PARK7: variants seen among roughly 807,000 people sequenced by gnomAD.
PARK7 encodes the protein Parkinson disease protein 7.
PARK7 carries 14 observed loss-of-function variants against 20.5 expected under a neutral mutation model. The observed-to-expected ratio is 0.68, with a 90% CI of 0.45 to 1.07. The LOEUF (loss-of-function observed/expected upper bound fraction) is 1.07. Among genes scored for constraint, PARK7 ranks in the 50% least tolerant of loss-of-function variants. PARK7 has a pLI of 0.00. For synonymous variants in PARK7, 98 were observed against 84.3 expected, an observed-to-expected ratio of 1.16 and a Z score of -0.89; for missense variants, 234 against 238.1, an observed-to-expected ratio of 0.98 and a Z score of 0.11.
chr1:7,962,478 A>G (rs951257821), intron 1 of PARK7, among the ~76,000 whole-genome samples: 3 of 152,224 alleles, frequency 2.0e-5, no homozygotes, highest in Non-Finnish European at 2.9e-5. Flanking sequence ...CATTTGCAAC[A>G]TACTATTAAA....
chr1:7,962,668 A>T, intron 1 of PARK7, 95 bp from the exon 2 acceptor site: 1 of 742,192 alleles, frequency 1.3e-6, no homozygotes, highest in Non-Finnish European at 2.2e-6. Context: ...GGAAGTACTT[A>T]CTCTGCTTGA....
At chr1:7,966,309 A>T (rs566944594) in intron 3 of PARK7, among the ~76,000 whole-genome samples, 11 of 152,116 alleles carry the variant, frequency 7.2e-5, no homozygotes, top group African/African-American at 2.7e-4. Flanking sequence ...AATCCTTTCT[A>T]ATAAGTTTAG....
At chr1:7,968,153 C>T (rs1440199654) in intron 3 of PARK7, among the ~76,000 whole-genome samples, 1 of 151,448 alleles carries the variant, frequency 6.6e-6, no homozygotes, top group Non-Finnish European at 1.5e-5. Flanking sequence ...ACTAAAAATA[C>T]ACAGATTAGC....
chr1:7,965,500 G>C, intron 3 of PARK7, 75 bp downstream of exon 3: 2 of 1,325,312 alleles, frequency 1.5e-6, no homozygotes, highest in Non-Finnish European at 2.2e-6. Context: ...AGTGTTGTTA[G>C]CACAGACTCA....
At chr1:7,972,872 C>G (rs886857982) in intron 5 of PARK7, among the ~76,000 whole-genome samples, 3 of 152,106 alleles carry the variant, frequency 2.0e-5, no homozygotes, top group East Asian at 1.9e-4. Context: ...AACCCCGTCT[C>G]TACTAAAAAT....
chr1:7,977,983 C>G (rs954888198), intron 6 of PARK7, among the ~76,000 whole-genome samples: 6 of 87,248 alleles, frequency 6.9e-5, no homozygotes, highest in Non-Finnish European at 1.1e-4. Flanking sequence ...TGGTCTCAAA[C>G]TCTTTTTTTT....
chr1:7,970,736 T>C (rs1214090482), intron 4 of PARK7, among the ~76,000 whole-genome samples, 158 bp from the exon 5 acceptor site: 3 of 152,238 alleles, frequency 2.0e-5, no homozygotes, highest in African/African-American at 7.2e-5. Flanking sequence ...TAGACACATT[T>C]TGATCATTTT....
At chr1:7,961,935 G>A (rs1438548260) in intron 1 of PARK7, 142 bp downstream of exon 1, 2 of 152,328 alleles carry the variant, frequency 1.3e-5, no homozygotes, top group African/African-American at 4.8e-5. Context: ...CCTCGCTTCC[G>A]GCCTCCCAGT....
At chr1:7,977,280 T>A (rs563894400) in intron 5 of PARK7, among the ~76,000 whole-genome samples, 13 of 152,318 alleles carry the variant, frequency 8.5e-5, no homozygotes, top group African/African-American at 2.4e-4. Context: ...AAGGTAAATC[T>A]TCTTGAGTAA....
At chr1:7,963,624 C>T (rs945402702) in intron 2 of PARK7, among the ~76,000 whole-genome samples, 2 of 151,924 alleles carry the variant, frequency 1.3e-5, no homozygotes, top group Non-Finnish European at 2.9e-5. Flanking sequence ...ACCCGCCCGC[C>T]TTAGCCTTTT....
intron 4 of PARK7, among the ~76,000 whole-genome samples, chr1:7,969,671 C>T (rs749385436): frequency 2.0e-5 from 3 of 151,982 alleles, no homozygotes; most frequent in Non-Finnish European, 4.4e-5. Context: ...ATCTCCGCCT[C>T]CTGGGTTCAA....
chr1:7,975,123 G>C (rs1640551202), intron 5 of PARK7, among the ~76,000 whole-genome samples: 1 of 152,086 alleles, frequency 6.6e-6, no homozygotes, highest in Non-Finnish European at 1.5e-5. Context: ...CAAAGTGCTA[G>C]GATTACAGGC....
chr1:7,984,736 G>T lies in PARK7; in HGVS notation c.410-158G>T. On this transcript the variant is annotated intron_variant, in intron 6 of 6. Transcript: ENST00000338639. The surrounding 1 kb of genome is among the most constrained non-coding windows in gnomAD (Gnocchi z 4.3). ...GCACAGTTTTAAAAATACCTTTGTA[G>T]GGGGCTTCTAAGAGCTTGGAGTGCC... 3.7e-6 allele frequency: 3 copies of T among 817,470 alleles called. No homozygotes were observed. The highest frequency in any genetic ancestry group is 5.2e-5 in the East Asian group (2 of 38,096). 50.6% of individuals were successfully genotyped at this position (817,470 alleles called of 1,614,324 possible).
intron 6 of PARK7, among the ~76,000 whole-genome samples, chr1:7,983,369 CTG>C (rs1270494322): frequency 6.6e-6 from 1 of 152,270 alleles, no homozygotes; most frequent in Non-Finnish European, 1.5e-5. Context: ...CCCCACATCA[CTG>C]AGTGGTGTCA....
At chr1:7,970,813 A>C (rs938669042) in intron 4 of PARK7, 81 bp from the exon 5 acceptor site, 44 of 1,389,410 alleles carry the variant, frequency 3.2e-5, no homozygotes, top group African/African-American at 5.7e-5. Context: ...ACTAAAATTA[A>C]ATTCTTCCAA....
chr1:7,982,585 T>C (rs1460260727), intron 6 of PARK7, among the ~76,000 whole-genome samples: 1 of 152,124 alleles, frequency 6.6e-6, no homozygotes, highest in Non-Finnish European at 1.5e-5. Context: ...TAAGCCCTGT[T>C]TGCGATGTTT....
intron 4 of PARK7, among the ~76,000 whole-genome samples, chr1:7,970,552 A>G (rs967707484): frequency 3.3e-5 from 5 of 152,204 alleles, no homozygotes; most frequent in African/African-American, 2.4e-5. Flanking sequence ...TTTTCCTGCT[A>G]GATTCTGTTC....
intron 5 of PARK7, chr1:7,972,047 AT>A (rs1314618904): frequency 4.6e-5 from 7 of 152,220 alleles, no homozygotes; most frequent in African/African-American, 1.7e-4. Flanking sequence ...TGCTGTTGCT[AT>A]TTTGTTCAAT....
At chr1:7,968,376 G>A (rs780475968) in intron 3 of PARK7, among the ~76,000 whole-genome samples, 3 of 151,466 alleles carry the variant, frequency 2.0e-5, no homozygotes, top group South Asian at 2.1e-4. Context: ...AACAATTTCC[G>A]TTTTGTAATT....
Sources: allele counts gnomAD v4.1 joint callset (sites outside exome capture counted in the v4.1 genomes callset), GRCh38; gene constraint gnomAD v4.1.1; non-coding constraint Gnocchi (gnomAD v3.1); transcripts MANE v1.5; gene names NCBI Gene and HGNC (gene_info 2026-07-23, HGNC 2026-07-21).